Variants in GNG11 observed in about 807,000 individuals in gnomAD.
GNG11 encodes the protein guanine nucleotide-binding protein G(I)/G(S)/G(O) subunit gamma-11.
In GNG11, 6 loss-of-function variants were observed where a neutral mutation model predicts 7.4. The observed-to-expected ratio is 0.81, with a 90% confidence interval of 0.44 to 1.60. The LOEUF (loss-of-function observed/expected upper bound fraction) is 1.60. Among genes scored for constraint, GNG11 ranks in the 40% most tolerant of loss-of-function variants. GNG11 has a pLI of 0.01. For synonymous variants in GNG11, 31 were observed against 25.9 expected, an observed-to-expected ratio of 1.20 and a Z score of -0.60; for missense variants, 65 against 83.0, an observed-to-expected ratio of 0.78 and a Z score of 0.84.
In GNG11 at chr7:93,926,348, G is replaced by A. The variant is rs77149588; in HGVS notation, c.*132G>A. On this transcript the variant is annotated 3_prime_UTR_variant, in exon 2 of 2. Transcript: ENST00000248564. ...ACTTTCTTAAGCACCATATAGATAG[G>A]GTTATGTATAAAAGCATATGTGCTA... The A allele has an allele frequency of 7.3e-4, 458 of 624,952 alleles. 3 individuals are homozygous for A. In the African/African-American group the frequency reaches 7.8e-3, roughly 11 times the overall value. The allele number at this position is 624,952 out of a possible 1,614,324, so 38.7% of individuals were successfully genotyped here.
At chr7:93,924,262 G>A (rs1247043300) in intron 1 of GNG11, among the ~76,000 whole-genome samples, 1 of 152,180 alleles carries the variant, frequency 6.6e-6, no homozygotes, top group African/African-American at 2.4e-5. Flanking sequence ...GATTATGGAA[G>A]GAAATGTATC....
Position 93,927,682 on chromosome 7 carries a change from T to C in GNG11, c.*1466T>C, listed in dbSNP as rs146240132. ...CAGCATCCTCGTTCTGAAATTCCTT[T>C]CCTTTCCCTCTCTGGGAAAGAACAG... On this transcript the variant is annotated 3_prime_UTR_variant, in exon 2 of 2. Coordinates refer to ENST00000248564, the MANE Select transcript of GNG11 (RefSeq NM_004126.4). The C allele has an allele frequency of 1.3e-5, 2 of 152,290 alleles. No homozygotes were observed. The highest frequency in any genetic ancestry group is 2.1e-4 in the South Asian group (1 of 4,832). The allele number at this position is 152,290 out of a possible 1,614,324, so 9.4% of individuals were successfully genotyped here. A position where few individuals can be genotyped will look rare whatever the true frequency, so the allele number is the denominator to read the frequency against.
At chr7:93,926,063 T>G (rs777453667) in intron 1 of GNG11, 28 bp from the exon 2 acceptor site, 8 of 1,397,498 alleles carry the variant, frequency 5.7e-6, no homozygotes, top group Non-Finnish European at 6.8e-6. Flanking sequence ...CCTAACCTAA[T>G]GTATTCTCTT....
chr7:93,925,357 AG>A (rs1170170044), intron 1 of GNG11, among the ~76,000 whole-genome samples: 1 of 152,122 alleles, frequency 6.6e-6, no homozygotes, highest in Admixed American at 6.5e-5. Context: ...TCTTCTTTTA[AG>A]AATAGACTTT....
At chr7:93,922,861 AT>A (rs1474336414) in intron 1 of GNG11, among the ~76,000 whole-genome samples, 1 of 152,112 alleles carries the variant, frequency 6.6e-6, no homozygotes, top group Non-Finnish European at 1.5e-5. Context: ...CATATGAAAA[AT>A]TTTTTTAGTG....
rs918604691 is a variant in GNG11 at position 93,927,791 on chromosome 7, T to C, written c.*1575T>C. ...CAGTTTCCTGACACTGTCCAAGTGA[T>C]GACATCAATTGGCATTACTGAGAGC... On this transcript the variant is annotated 3_prime_UTR_variant, in exon 2 of 2. Coordinates refer to ENST00000248564, the MANE Select transcript of GNG11 (RefSeq NM_004126.4). The C allele has an allele frequency of 2.0e-5, 3 of 152,138 alleles. No homozygotes were observed. Among genetic ancestry groups the C allele is most frequent in the African/African-American group, 7.2e-5 (3 of 41,418 alleles). 9.4% of individuals were successfully genotyped at this position (152,138 alleles called of 1,614,324 possible).
In GNG11 at chr7:93,921,944, G is replaced by T. The variant is rs1041950049; in HGVS notation, c.-194G>T. ...GAGTTCTCAGGTCCTAGGAAGCTGG[G>T]GCACGCTGGCGTGACAAGCGTCCCG... On this transcript the variant is annotated 5_prime_UTR_variant, in exon 1 of 2. Coordinates refer to ENST00000248564, the MANE Select transcript of GNG11 (RefSeq NM_004126.4). 4.3e-6 allele frequency: 2 copies of T among 468,090 alleles called. No homozygotes were observed. The highest frequency in any genetic ancestry group is 4.0e-5 in the African/African-American group (2 of 50,010). 29.0% of individuals were successfully genotyped at this position (468,090 alleles called of 1,614,324 possible).
Position 93,928,048 on chromosome 7 carries a change from T to C in GNG11, c.*1832T>C, listed in dbSNP as rs1794705453. ...TCTTTGCACTTATAAAGTTTTCTTC[T>C]GTTGCCTATGAAAGCAAACATTTAT... On this transcript the variant is annotated 3_prime_UTR_variant, in exon 2 of 2. Coordinates refer to ENST00000248564, the MANE Select transcript of GNG11 (RefSeq NM_004126.4). 6.6e-6 allele frequency: 1 copy of C among 152,242 alleles called. No homozygotes were observed. The highest frequency in any genetic ancestry group is 1.5e-5 in the Non-Finnish European group (1 of 68,048). 9.4% of individuals were successfully genotyped at this position (152,242 alleles called of 1,614,324 possible). A position where few individuals can be genotyped will look rare whatever the true frequency, so the allele number is the denominator to read the frequency against.
In GNG11 at chr7:93,922,176, A is replaced by G; in HGVS notation, c.39A>G (p.Glu13=). The G allele has an allele frequency of 6.3e-7, 1 of 1,598,496 alleles. No individual in the cohort carries two copies. Among genetic ancestry groups the G allele is most frequent in the Non-Finnish European group, 8.6e-7 (1 of 1,169,436 alleles). ...ACATCGAAGATTTGCCAGAGAAGGA[A>G]AAACTGAAAATGGAAGTTGAGCAGC... is the stretch of plus-strand genomic sequence containing the variant. ...ALHIEDLPEK[E]KLKMEVEQLR... is the part of the protein sequence containing the mutation. The change falls in exon 1 of 2, where the codon GAA becomes GAG. Residue 13 remains glutamate, a synonymous_variant. Coordinates refer to ENST00000248564, the MANE Select transcript of GNG11 (RefSeq NM_004126.4).
At position 93,926,528 on chromosome 7, in the gene GNG11, G is replaced by C. The variant is rs1794682219; in HGVS notation, c.*312G>C. The C allele has an allele frequency of 5.8e-6, 1 of 171,950 alleles. No individual in the cohort carries two copies. Among genetic ancestry groups the C allele is most frequent in the South Asian group, 1.9e-4 (1 of 5,200 alleles). 10.7% of individuals were successfully genotyped at this position (171,950 alleles called of 1,614,324 possible). ...TTGTCTTGGGAAGATGAGTGTTGGT[G>C]ATTTAAGAAGACACTTTTCATGCAT... On this transcript the variant is annotated 3_prime_UTR_variant, in exon 2 of 2. Coordinates refer to ENST00000248564, the MANE Select transcript of GNG11 (RefSeq NM_004126.4).
intron 1 of GNG11, among the ~76,000 whole-genome samples, chr7:93,924,936 G>T (rs905887546): frequency 6.6e-6 from 1 of 152,128 alleles, no homozygotes; most frequent in Non-Finnish European, 1.5e-5. Context: ...AGGCCAAGGC[G>T]GGCGGATCAC....
In GNG11 at chr7:93,926,255, G is replaced by A. The variant is rs1236643342; in HGVS notation, c.*39G>A. Reference sequence around the variant, plus strand: ...AACTGCATCCTAAGTGGAAGAACTAGTTTGTTTTAGTTTTCCCAGATAAAA... The same window carrying A: ...AACTGCATCCTAAGTGGAAGAACTAATTTGTTTTAGTTTTCCCAGATAAAA... On this transcript the variant is annotated 3_prime_UTR_variant, in exon 2 of 2. Transcript: ENST00000248564. 6.7e-7 allele frequency: 1 copy of A among 1,484,100 alleles called. No homozygotes were observed. Among genetic ancestry groups the A allele is most frequent in the Non-Finnish European group, 9.1e-7 (1 of 1,101,442 alleles). The allele number at this position is 1,484,100 out of a possible 1,614,324, so 91.9% of individuals were successfully genotyped here.
intron 1 of GNG11, among the ~76,000 whole-genome samples, chr7:93,924,190 C>T (rs1794647923): frequency 1.3e-5 from 2 of 152,122 alleles, no homozygotes; most frequent in Admixed American, 1.3e-4. Context: ...TAACTTAGGC[C>T]CAGACAAAAC....
chr7:93,928,234 C>CACAA lies in GNG11; in HGVS notation c.*2018_*2019insACAA, dbSNP rs1794707376. On this transcript the variant is annotated 3_prime_UTR_variant, in exon 2 of 2. Transcript: ENST00000248564. The stretch of plus-strand genomic sequence containing the variant: ...ATTTGTGTACACTCCCAAGTCCTAG[C>CACAA]TTTTGCTCTTCATGTCTCTTTCAAC... 1 of 152,172 alleles carries CACAA rather than the reference C, an allele frequency of 6.6e-6. No homozygotes were observed. Among genetic ancestry groups the CACAA allele is most frequent in the Non-Finnish European group, 1.5e-5 (1 of 68,040 alleles). 9.4% of individuals were successfully genotyped at this position (152,172 alleles called of 1,614,324 possible).
rs1259796964 is a variant in GNG11 at position 93,927,164 on chromosome 7, C to G, written c.*948C>G. ...TTGCCCACTTTAAAGATTAGTTGGT[C>G]TTTTTCTTACTGATTTGTAGGAATT... On this transcript the variant is annotated 3_prime_UTR_variant, in exon 2 of 2. Coordinates refer to ENST00000248564, the MANE Select transcript of GNG11 (RefSeq NM_004126.4). 6.6e-6 allele frequency: 1 copy of G among 152,152 alleles called. No homozygotes were observed. The highest frequency in any genetic ancestry group is 6.5e-5 in the Admixed American group (1 of 15,280). The allele number at this position is 152,152 out of a possible 1,614,324, so 9.4% of individuals were successfully genotyped here.
intron 1 of GNG11, 132 bp downstream of exon 1, chr7:93,922,365 T>G (rs1403935088): frequency 1.9e-6 from 1 of 514,378 alleles, no homozygotes; most frequent in African/African-American, 2.0e-5. Flanking sequence ...TCACCACCCT[T>G]TGGCAGTGCC....
rs1185160936 is a variant in GNG11 at position 93,928,307 on chromosome 7, T to C, written c.*2091T>C. 6.6e-6 allele frequency: 1 copy of C among 152,214 alleles called. No homozygotes were observed. The highest frequency in any genetic ancestry group is 1.5e-5 in the Non-Finnish European group (1 of 68,044). 9.4% of individuals were successfully genotyped at this position (152,214 alleles called of 1,614,324 possible). A position where few individuals can be genotyped will look rare whatever the true frequency, so the allele number is the denominator to read the frequency against. On this transcript the variant is annotated 3_prime_UTR_variant, in exon 2 of 2. Coordinates refer to ENST00000248564, the MANE Select transcript of GNG11 (RefSeq NM_004126.4). The stretch of plus-strand genomic sequence containing the variant: ...ACTTCTGGTTTTTCCTGAATAAATA[T>C]CTAATCTTATAGGTGCTTCTATTAA...
chr7:93,922,144 G>C lies in GNG11; in HGVS notation c.7G>C (p.Ala3Pro), dbSNP rs757566380. Residue 3 changes from alanine to proline, a missense_variant, in exon 1 of 2, where the codon GCC (alanine) becomes CCC (proline). Ala to Pro is a conservative substitution (Grantham distance 27, BLOSUM62 -1). Transcript: ENST00000248564. MPALHIEDLPEKE... is the reference protein window; with the variant it reads MPPLHIEDLPEKE... ...GCCCGGTTCTGGGGCGAAAATGCCT[G>C]CCCTTCACATCGAAGATTTGCCAGA... 6 of 1,590,664 alleles carry C rather than the reference G, an allele frequency of 3.8e-6. No individual in the cohort carries two copies. The Admixed American group carries it at 8.5e-5, about 22-fold the overall frequency.
In GNG11 at chr7:93,922,057, T is replaced by C; in HGVS notation, c.-81T>C. The C allele has an allele frequency of 1.2e-6, 1 of 851,410 alleles. No homozygotes were observed. Among genetic ancestry groups the C allele is most frequent in the East Asian group, 2.8e-5 (1 of 35,488 alleles). The allele number at this position is 851,410 out of a possible 1,614,324, so 52.7% of individuals were successfully genotyped here. The stretch of plus-strand genomic sequence containing the variant: ...GTGGGCGGCGGGCCAGGCCTTCAGT[T>C]GTTTCGGGACGCGCCGAGCTTCGCC... On this transcript the variant is annotated 5_prime_UTR_variant, in exon 1 of 2. Transcript: ENST00000248564.
Sources: allele counts gnomAD v4.1 joint callset (sites outside exome capture counted in the v4.1 genomes callset), GRCh38; gene constraint gnomAD v4.1.1; transcripts MANE v1.5; gene names NCBI Gene and HGNC (gene_info 2026-07-23, HGNC 2026-07-21).